PAK3: variants seen among roughly 807,000 people sequenced by gnomAD.
The protein encoded by PAK3 is p21 (RAC1) activated kinase 3.
Under a neutral mutation model 41.0 loss-of-function variants are expected in PAK3, and 4 were observed. That is an observed-to-expected ratio of 0.10 (90% CI 0.05 to 0.22). The LOEUF is 0.22. PAK3 is among the 10% of genes least tolerant of loss of function. The probability of loss-of-function intolerance (pLI) is 1.00; values close to 1 mark genes in which losing one functional copy is unlikely to be tolerated. For missense variants in PAK3, 205 were observed against 409.9 expected, an observed-to-expected ratio of 0.50 and a Z score of 4.32; for synonymous variants, 146 against 139.6, an observed-to-expected ratio of 1.05 and a Z score of -0.32.
intron 9 of PAK3, 117 bp from the exon 10 acceptor site, chrX:111,163,442 CCTT>C (rs2094214716): frequency 1.7e-6 from 1 of 573,431 alleles, no homozygotes; most frequent in African/African-American, 2.3e-5. Flanking sequence ...TACTCAAAGT[CCTT>C]TTTTTTTTTA....
At chrX:111,005,637 A>G (rs2091911280) in intron 1 of PAK3, among the ~76,000 whole-genome samples, 1 of 111,573 alleles carries the variant, frequency 9.0e-6, no homozygotes, top group African/African-American at 3.3e-5. Flanking sequence ...CTTTGTGGCA[A>G]GCCCGAAGAG....
chrX:111,177,666 A>C (rs181858338), intron 11 of PAK3, among the ~76,000 whole-genome samples: 1 of 112,115 alleles, frequency 8.9e-6, no homozygotes, highest in African/African-American at 3.2e-5. Flanking sequence ...AGTTATATAA[A>C]ATAACTTGTT....
chrX:110,955,349 A>G (rs1036096664), intron 1 of PAK3, among the ~76,000 whole-genome samples: 2 of 112,176 alleles, frequency 1.8e-5, no homozygotes, highest in African/African-American at 6.5e-5. Flanking sequence ...AAGATCTTCT[A>G]CTGGCTATAA....
intron 1 of PAK3, among the ~76,000 whole-genome samples, chrX:111,047,048 C>G (rs1293203111): frequency 8.9e-6 from 1 of 112,116 alleles, no homozygotes; most frequent in African/African-American, 3.2e-5. Context: ...TGGATGGCCT[C>G]TGAGGTAAAT....
intron 3 of PAK3, among the ~76,000 whole-genome samples, chrX:111,101,972 C>T (rs1371170667): frequency 1.8e-5 from 2 of 112,063 alleles, no homozygotes. Flanking sequence ...TTCAATTTTG[C>T]AATCTCCGTG....
intron 1 of PAK3, among the ~76,000 whole-genome samples, chrX:110,970,693 C>T (rs1270286662): frequency 9.0e-6 from 1 of 111,515 alleles, no homozygotes; most frequent in African/African-American, 3.3e-5. Flanking sequence ...CAGCAAACCA[C>T]CATGGCACAT....
intron 1 of PAK3, among the ~76,000 whole-genome samples, chrX:111,055,807 T>C (rs2092600351): frequency 8.9e-6 from 1 of 111,989 alleles, no homozygotes; most frequent in South Asian, 3.7e-4. Flanking sequence ...AGGCAAATTC[T>C]GAGCAGAACA....
intron 1 of PAK3, among the ~76,000 whole-genome samples, chrX:111,006,897 T>A (rs1426228528): frequency 1.1e-5 from 1 of 95,134 alleles, no homozygotes; most frequent in Non-Finnish European, 2.1e-5. Context: ...TCTGCTGGAG[T>A]GTAGTGGTGT....
chrX:110,984,339 C>A (rs1254441833), intron 1 of PAK3, among the ~76,000 whole-genome samples: 1 of 112,050 alleles, frequency 8.9e-6, no homozygotes, highest in Non-Finnish European at 1.9e-5. Flanking sequence ...CACACACATA[C>A]ACACACATAT....
At chrX:110,965,465 C>T (rs1198346356) in intron 1 of PAK3, among the ~76,000 whole-genome samples, 1 of 112,097 alleles carries the variant, frequency 8.9e-6, no homozygotes, top group Non-Finnish European at 1.9e-5. Context: ...ACATTGTCCC[C>T]TTCCTCCTTT....
At chrX:111,091,437 G>A (rs1603186512), upstream of PAK3, among the ~76,000 whole-genome samples, 1 of 111,758 alleles carries the variant, frequency 8.9e-6, no homozygotes, top group Non-Finnish European at 1.9e-5. Flanking sequence ...AGGCGAGTTC[G>A]ACAAAGGAGA....
At chrX:111,008,709 A>G (rs2091968735) in intron 1 of PAK3, among the ~76,000 whole-genome samples, 2 of 112,554 alleles carry the variant, frequency 1.8e-5, no homozygotes, top group African/African-American at 6.5e-5. Context: ...AGGGTGTGAT[A>G]ATAATTCCTA....
intron 5 of PAK3, among the ~76,000 whole-genome samples, chrX:111,124,122 A>G (rs2093616175): frequency 8.9e-6 from 1 of 112,036 alleles, no homozygotes; most frequent in South Asian, 3.8e-4. Flanking sequence ...ATAGCTTTGT[A>G]GGTCACTTAT....
intron 1 of PAK3, among the ~76,000 whole-genome samples, chrX:111,073,846 C>T (rs951163009): frequency 8.9e-6 from 1 of 111,989 alleles, no homozygotes; most frequent in Non-Finnish European, 1.9e-5. Context: ...CTTCCAAACT[C>T]ATTTTATGAG....
intron 8 of PAK3, among the ~76,000 whole-genome samples, chrX:111,158,071 A>G (rs1409221476): frequency 2.7e-5 from 3 of 112,027 alleles, no homozygotes; most frequent in Non-Finnish European, 5.6e-5. Flanking sequence ...CATTACTTTG[A>G]TAAAGTCTTT....
intron 1 of PAK3, among the ~76,000 whole-genome samples, chrX:111,091,093 G>A (rs1274461887): frequency 9.0e-6 from 1 of 111,613 alleles, no homozygotes; most frequent in Non-Finnish European, 1.9e-5. Flanking sequence ...CAGAGGAGAG[G>A]AACTTTCTAA....
chrX:110,987,802 T>C (rs193078987), intron 1 of PAK3, among the ~76,000 whole-genome samples: 259 of 111,762 alleles, frequency 2.3e-3, no homozygotes, highest in African/African-American at 7.9e-3. Flanking sequence ...TCAAGGCCTC[T>C]GGAGCTGCAG....
chrX:111,135,457 A>T (rs2093776570), intron 5 of PAK3, among the ~76,000 whole-genome samples: 1 of 110,714 alleles, frequency 9.0e-6, no homozygotes, highest in African/African-American at 3.3e-5. Flanking sequence ...GGCCGGAGGT[A>T]TATATGGAGA....
intron 1 of PAK3, among the ~76,000 whole-genome samples, chrX:110,998,883 T>C (rs948267086): frequency 1.8e-5 from 2 of 111,853 alleles, no homozygotes; most frequent in Non-Finnish European, 3.8e-5. Flanking sequence ...GTGAATTGAG[T>C]AGCACCTTGG....
Sources: gnomAD v4.1 joint callset for allele counts (sites outside exome capture counted in the v4.1 genomes callset) on GRCh38, gnomAD v4.1.1 for gene constraint, MANE v1.5 for transcripts, NCBI Gene and HGNC (gene_info 2026-07-23, HGNC 2026-07-21) for gene names.